Variants in LANCL3 observed in about 807,000 individuals in gnomAD.
LANCL3 encodes lanC-like protein 3.
In LANCL3, 19 loss-of-function variants were observed where a neutral mutation model predicts 26.5. The ratio of observed to expected loss-of-function variants is 0.72; its 90% CI spans 0.50 to 1.05. The LOEUF is 1.05. LANCL3 is among the 50% of genes least tolerant of loss of function. The probability of loss-of-function intolerance (pLI) is 0.00; values close to 1 mark genes in which losing one functional copy is unlikely to be tolerated. For missense variants in LANCL3, 318 were observed against 362.7 expected, an observed-to-expected ratio of 0.88 and a Z score of 1.00; for synonymous variants, 160 against 166.6, an observed-to-expected ratio of 0.96 and a Z score of 0.30.
At chrX:37,583,176 ATC>A (rs1267427141) in intron 1 of LANCL3, among the ~76,000 whole-genome samples, 1 of 111,564 alleles carries the variant, frequency 9.0e-6, no homozygotes, top group East Asian at 2.8e-4. Context: ...ATTGATCGAT[ATC>A]TCTGTTTTGG....
At chrX:37,663,756 T>C (rs7886836) in intron 3 of LANCL3, among the ~76,000 whole-genome samples, 35,129 of 109,867 alleles carry the variant, frequency 0.32, 6,205 homozygotes, top group African/African-American at 0.69. Context: ...AAGAGCAGGG[T>C]CTTCCCACCC....
At chrX:37,661,364 A>G (rs1556432569) in intron 3 of LANCL3, among the ~76,000 whole-genome samples, 1 of 112,102 alleles carries the variant, frequency 8.9e-6, no homozygotes, top group African/African-American at 3.2e-5. Flanking sequence ...CATAGGATTC[A>G]TCACTTTGGA....
intron 3 of LANCL3, among the ~76,000 whole-genome samples, chrX:37,663,487 G>T (rs979173442): frequency 9.0e-6 from 1 of 111,657 alleles, no homozygotes; most frequent in African/African-American, 3.3e-5. Context: ...GAAGTGAAAA[G>T]TTTCAAGAAG....
chrX:37,684,322 C>T lies in LANCL3; in HGVS notation c.*8509C>T, dbSNP rs2146804442. 1 of 112,647 alleles carries T rather than the reference C, an allele frequency of 8.9e-6. No homozygotes were observed. The highest frequency in any genetic ancestry group is 3.2e-5 in the African/African-American group (1 of 31,045). The allele number at this position is 112,647 out of a possible 1,213,427, so 9.3% of individuals were successfully genotyped here. A position where few individuals can be genotyped will look rare whatever the true frequency, so the allele number is the denominator to read the frequency against. On this transcript the variant is annotated 3_prime_UTR_variant, in exon 5 of 5. Coordinates refer to ENST00000378619, the MANE Select transcript of LANCL3 (RefSeq NM_001170331.2). ...TCGTTTTGTACTGTAGAAAATAATT[C>T]GCTATAAACTGGACTTTATAGTGTT...
intron 1 of LANCL3, among the ~76,000 whole-genome samples, chrX:37,633,718 T>C (rs1925610070): frequency 8.9e-6 from 1 of 111,885 alleles, no homozygotes; most frequent in African/African-American, 3.3e-5. Context: ...TGCCTGGGTA[T>C]CAGCAGCGGT....
intron 1 of LANCL3, among the ~76,000 whole-genome samples, chrX:37,619,528 G>T (rs782621492): frequency 1.2e-4 from 13 of 108,694 alleles, no homozygotes; most frequent in African/African-American, 4.1e-4. Flanking sequence ...TTTAAAAACT[G>T]TAAATTTTAG....
At chrX:37,653,280 A>G (rs1475911418) in intron 1 of LANCL3, among the ~76,000 whole-genome samples, 5 of 111,445 alleles carry the variant, frequency 4.5e-5, no homozygotes, top group African/African-American at 1.3e-4. Context: ...GCAAACACAC[A>G]CGTACACAGA....
chrX:37,627,374 G>A (rs1208038067), intron 1 of LANCL3, among the ~76,000 whole-genome samples: 1 of 111,443 alleles, frequency 9.0e-6, no homozygotes, highest in Non-Finnish European at 1.9e-5. Flanking sequence ...GTAGAATAGA[G>A]GAGAATCTCA....
intron 1 of LANCL3, among the ~76,000 whole-genome samples, chrX:37,588,552 A>G (rs782517659): frequency 1.2e-4 from 13 of 112,298 alleles, no homozygotes; most frequent in African/African-American, 4.2e-4. Flanking sequence ...AAACCTACCA[A>G]GATAACAGGC....
At chrX:37,635,045 A>G (rs1010186178) in intron 1 of LANCL3, among the ~76,000 whole-genome samples, 1 of 111,369 alleles carries the variant, frequency 9.0e-6, no homozygotes, top group Non-Finnish European at 1.9e-5. Context: ...AAAGAGCGAC[A>G]TAAGACTCAG....
At chrX:37,592,056 G>A (rs1250787458) in intron 1 of LANCL3, among the ~76,000 whole-genome samples, 1 of 111,519 alleles carries the variant, frequency 9.0e-6, no homozygotes, top group Non-Finnish European at 1.9e-5. Context: ...TTCACTGAAA[G>A]CAGAATGACC....
chrX:37,664,297 G>T (rs1458445271), intron 3 of LANCL3, among the ~76,000 whole-genome samples: 1 of 111,416 alleles, frequency 9.0e-6, no homozygotes, highest in Admixed American at 9.5e-5. Flanking sequence ...GTGCTTCCAT[G>T]AGACTTCTAT....
At chrX:37,633,847 G>A (rs980437669) in intron 1 of LANCL3, among the ~76,000 whole-genome samples, 7 of 112,022 alleles carry the variant, frequency 6.2e-5, no homozygotes, top group African/African-American at 1.9e-4. Context: ...CTGCTGGGGG[G>A]GTGCCTCCCA....
intron 1 of LANCL3, among the ~76,000 whole-genome samples, chrX:37,618,977 T>C (rs972080112): frequency 2.7e-5 from 3 of 111,338 alleles, no homozygotes; most frequent in Non-Finnish European, 5.7e-5. Flanking sequence ...CCTCTCACTC[T>C]TAATCCTAGT....
intron 1 of LANCL3, among the ~76,000 whole-genome samples, chrX:37,629,180 G>C (rs1556423659): frequency 9.2e-6 from 1 of 109,207 alleles, no homozygotes; most frequent in East Asian, 2.9e-4. Flanking sequence ...GTTTTGATTT[G>C]CATTTCTCTG....
intron 1 of LANCL3, among the ~76,000 whole-genome samples, chrX:37,611,543 G>A (rs782136509): frequency 5.6e-4 from 63 of 112,061 alleles, no homozygotes; most frequent in Non-Finnish European, 1.0e-3. Flanking sequence ...AATGGCTAGG[G>A]TCAAGGTAGC....
At chrX:37,581,888 C>T (rs1189594956) in intron 1 of LANCL3, among the ~76,000 whole-genome samples, 3 of 110,689 alleles carry the variant, frequency 2.7e-5, no homozygotes, top group African/African-American at 6.6e-5. Flanking sequence ...CCCATTAACT[C>T]GTCATTTATA....
At chrX:37,656,294 A>G (rs1050628864) in intron 2 of LANCL3, among the ~76,000 whole-genome samples, 2 of 110,824 alleles carry the variant, frequency 1.8e-5, no homozygotes, top group African/African-American at 6.6e-5. Context: ...GAGTCCTTCA[A>G]TGGCTTACCA....
rs140650061 is a variant in LANCL3 at position 37,576,862 on chromosome X, G to A, written c.573+4419G>A. On this transcript the variant is annotated intron_variant, in intron 1 of 4. Coordinates refer to ENST00000378619, the MANE Select transcript of LANCL3 (RefSeq NM_001170331.2). ...AACCAAGTGGCTGCTCTAAGAACAG[G>A]CATTCCAGGCAGAGGGCAAGAGCCC... Among the ~76,000 whole-genome samples, 892 of 112,059 alleles carry A rather than the reference G, an allele frequency of 8.0e-3. 5 individuals are homozygous for A. The highest frequency in any genetic ancestry group is 0.027 in the African/African-American group (845 of 30,837).
Sources: allele counts gnomAD v4.1 joint callset (sites outside exome capture counted in the v4.1 genomes callset), GRCh38; gene constraint gnomAD v4.1.1; transcripts MANE v1.5; gene names NCBI Gene and HGNC (gene_info 2026-07-23, HGNC 2026-07-21).